Variants in SV2C observed in about 807,000 individuals in gnomAD.
SV2C encodes synaptic vesicle glycoprotein 2C.
In SV2C, 49 loss-of-function variants were observed where a neutral mutation model predicts 79.7. The observed-to-expected ratio is 0.61, with a 90% CI of 0.49 to 0.78. SV2C has a LOEUF of 0.78. Ranked by LOEUF, SV2C falls within the 30% of genes least tolerant of loss-of-function variation. The pLI, the probability that SV2C is intolerant of heterozygous loss-of-function variation, is 0.00. For missense variants in SV2C, 833 were observed against 912.9 expected (o/e 0.91, Z 1.13); for synonymous variants, 334 against 333.2 (o/e 1.00, Z -0.03).
chr5:76,281,416 A>T (rs1747191918), intron 4 of SV2C: 1 of 283,038 alleles, frequency 3.5e-6, no homozygotes, highest in African/African-American at 2.3e-5. Flanking sequence ...AAAAAAAGGC[A>T]GGGAGCCTGA....
the SV2C span, among the ~76,000 whole-genome samples, chr5:76,041,805 C>T: frequency 6.6e-6 from 1 of 152,174 alleles, no homozygotes; most frequent in Non-Finnish European, 1.5e-5. Context: ...GCCAATCTGG[C>T]TCTCTGATAA....
chr5:76,102,594 G>A (rs1468379011), intron 1 of SV2C, among the ~76,000 whole-genome samples: 1 of 152,192 alleles, frequency 6.6e-6, no homozygotes, highest in Non-Finnish European at 1.5e-5. Context: ...AGAAAGGAAA[G>A]GGCATAATCC....
chr5:76,053,527 A>G, the SV2C span, among the ~76,000 whole-genome samples: 1 of 152,130 alleles, frequency 6.6e-6, no homozygotes, highest in Non-Finnish European at 1.5e-5. Flanking sequence ...TGATATTTTC[A>G]TTGTCCATAA....
At chr5:75,965,835 GA>G in the SV2C span, among the ~76,000 whole-genome samples, 10 of 144,342 alleles carry the variant, frequency 6.9e-5, no homozygotes, top group East Asian at 6.0e-4. Context: ...CAGTTCTCCA[GA>G]AAAAAAAAAG....
intron 1 of SV2C, among the ~76,000 whole-genome samples, chr5:76,094,688 A>G (rs1747490961): frequency 6.6e-6 from 1 of 152,128 alleles, no homozygotes; most frequent in Non-Finnish European, 1.5e-5. Flanking sequence ...TCAAGAAGTG[A>G]ATATATCTTT....
the SV2C span, among the ~76,000 whole-genome samples, chr5:75,852,661 T>TA: frequency 0.013 from 1,947 of 151,840 alleles, 52 homozygotes; most frequent in African/African-American, 0.043. Flanking sequence ...CCTTCTCTAC[T>TA]AAAAAATATA....
chr5:75,920,881 C>T, the SV2C span: 4 of 757,276 alleles, frequency 5.3e-6, no homozygotes, highest in East Asian at 2.5e-5. Context: ...GCTGGGTCAG[C>T]GAAGGTCAGG....
chr5:76,315,224 T>C (rs1053310389), intron 12 of SV2C, among the ~76,000 whole-genome samples: 4 of 147,042 alleles, frequency 2.7e-5, no homozygotes, highest in African/African-American at 1.0e-4. Flanking sequence ...ACACACATAA[T>C]AGATACTAGG....
chr5:76,095,838 A>G (rs558145545), intron 1 of SV2C, among the ~76,000 whole-genome samples: 110 of 152,276 alleles, frequency 7.2e-4, no homozygotes, highest in Admixed American at 3.1e-3. Context: ...GAAAATACCA[A>G]TCCCTTTGAA....
chr5:76,307,294 A>AGCAGAGAAAGTTGGCTTCATAG (rs1748225896), intron 12 of SV2C, among the ~76,000 whole-genome samples: 1 of 152,236 alleles, frequency 6.6e-6, no homozygotes, highest in Non-Finnish European at 1.5e-5. Flanking sequence ...TAATGAGCTG[A>AGCAGAGAAAGTTGGCTTCATAG]GCAGAGAAAG....
At chr5:75,869,074 T>C in the SV2C span, among the ~76,000 whole-genome samples, 3 of 152,208 alleles carry the variant, frequency 2.0e-5, no homozygotes, top group Non-Finnish European at 4.4e-5. Flanking sequence ...TCTTGTACTT[T>C]AGGTACCCGC....
intron 3 of SV2C, among the ~76,000 whole-genome samples, chr5:76,206,328 T>C (rs771183538): frequency 3.9e-5 from 6 of 152,218 alleles, no homozygotes; most frequent in Non-Finnish European, 5.9e-5. Flanking sequence ...ACAGGTGTTA[T>C]AGAAGCTCCT....
chr5:76,082,056 G>A (rs1405301179), upstream of SV2C: 1 of 152,306 alleles, frequency 6.6e-6, no homozygotes, highest in Non-Finnish European at 1.5e-5. Context: ...GTGTGTTTGA[G>A]TTCCAATCAC....
intron 1 of SV2C, among the ~76,000 whole-genome samples, chr5:76,102,200 T>C (rs1469830016): frequency 6.6e-6 from 1 of 152,302 alleles, no homozygotes; most frequent in East Asian, 1.9e-4. Flanking sequence ...TTAATATAAA[T>C]TAGCAATTCT....
At chr5:76,000,383 C>T in the SV2C span, among the ~76,000 whole-genome samples, 3 of 152,270 alleles carry the variant, frequency 2.0e-5, no homozygotes, top group South Asian at 6.2e-4. Context: ...GGATATTCCC[C>T]ACGTGATTTT....
chr5:76,130,925 GTAGTT>G (rs1227193901), intron 1 of SV2C, among the ~76,000 whole-genome samples: 2 of 152,114 alleles, frequency 1.3e-5, no homozygotes, highest in African/African-American at 4.8e-5. Context: ...AGGCCTGGGG[GTAGTT>G]TCTGAAAGGG....
the SV2C span, among the ~76,000 whole-genome samples, chr5:75,888,443 C>T: frequency 6.6e-6 from 1 of 152,044 alleles, no homozygotes; most frequent in Admixed American, 6.6e-5. Context: ...CTCCCTTCAT[C>T]ACTCACTCCA....
intron 1 of SV2C, among the ~76,000 whole-genome samples, chr5:76,119,216 T>C (rs1748394781): frequency 6.6e-6 from 1 of 152,180 alleles, no homozygotes; most frequent in Non-Finnish European, 1.5e-5. Context: ...ATAAAGTGTG[T>C]GATTAAAGCA....
chr5:75,984,396 A>G, the SV2C span, among the ~76,000 whole-genome samples: 6 of 152,256 alleles, frequency 3.9e-5, no homozygotes, highest in Admixed American at 3.9e-4. Context: ...CAGTTATCAA[A>G]TGACCTAATA....
Sources: allele counts gnomAD v4.1 joint callset (sites outside exome capture counted in the v4.1 genomes callset), GRCh38; gene constraint gnomAD v4.1.1; transcripts MANE v1.5; gene names NCBI Gene and HGNC (gene_info 2026-07-23, HGNC 2026-07-21).